The following NTMT2 variants were observed in gnomAD, a reference collection of about 807,000 sequenced individuals.
NTMT2 encodes the protein N-terminal Xaa-Pro-Lys N-methyltransferase 2, also known as X-Pro-Lys N-terminal protein methyltransferase 1B.
A neutral mutation model predicts 23.4 loss-of-function variants in NTMT2; 21 were observed. That is an observed-to-expected ratio of 0.90 (90% CI 0.64 to 1.29). The LOEUF (loss-of-function observed/expected upper bound fraction) is 1.29. Ranked by LOEUF, NTMT2 falls within the 50% of genes most tolerant of loss-of-function variation. NTMT2 has a pLI of 0.00. For missense variants in NTMT2, 336 were observed against 352.0 expected (o/e 0.95, Z 0.36); for synonymous variants, 131 against 127.7 (o/e 1.03, Z -0.17).
At position 170,167,635 on chromosome 1, in the gene NTMT2, A is replaced by T; in HGVS notation, c.730A>T (p.Ile244Phe). Residue 244 changes from isoleucine to phenylalanine, a missense_variant, in exon 4 of 4, where the codon ATC becomes TTC. Transcript: ENST00000439373. ...CAGCAGTGTGACTCGGGACATGGAC[A>T]TCCTCCGGAGCCTAATAAGGAAGAG... The part of the protein sequence containing the change: ...SDSSVTRDMD[I>F]LRSLIRKSGL... 6.4e-7 allele frequency: 1 copy of T among 1,551,692 alleles called. No individual in the cohort carries two copies. The highest frequency in any genetic ancestry group is 2.0e-5 in the Admixed American group (1 of 50,998).
intron 1 of NTMT2, among the ~76,000 whole-genome samples, chr1:170,158,901 T>C (rs927287590): frequency 1.3e-5 from 2 of 152,080 alleles, no homozygotes; most frequent in African/African-American, 2.4e-5. Flanking sequence ...TGTTCTCATA[T>C]CTCTTCAAAG....
intron 2 of NTMT2, among the ~76,000 whole-genome samples, chr1:170,162,970 G>A (rs528865668): frequency 3.3e-5 from 5 of 152,080 alleles, no homozygotes; most frequent in Admixed American, 2.6e-4. Flanking sequence ...TCGTGGTGAG[G>A]CCGACTTTGA....
Position 170,160,517 on chromosome 1 carries a change from G to A in NTMT2, c.155-1G>A, listed in dbSNP as rs1210095153. On this transcript the variant is annotated splice_acceptor_variant, in intron 1 of 3. Coordinates refer to ENST00000439373, the MANE Select transcript of NTMT2 (RefSeq NM_001136107.2). LOFTEE classifies it high-confidence loss of function. The stretch of plus-strand genomic sequence containing the variant: ...ACCTATTAATAATGTTTCATTTGCA[G>A]TGAAATTGTACGCTTTAACAAGCCA... 4 of 1,522,794 alleles carry A rather than the reference G, an allele frequency of 2.6e-6. No individual in the cohort carries two copies. Among genetic ancestry groups the A allele is most frequent in the African/African-American group, 1.4e-5 (1 of 71,382 alleles). The allele number at this position is 1,522,794 out of a possible 1,614,324, so 94.3% of individuals were successfully genotyped here.
Position 170,166,558 on chromosome 1 carries a change from G to C in NTMT2, c.387G>C (p.Arg129Ser). 1.9e-6 allele frequency: 3 copies of C among 1,552,278 alleles called. No homozygotes were observed. The East Asian group carries it at 7.3e-5, about 38-fold the overall frequency. The change falls in exon 3 of 4, where the codon AGG becomes AGC. Residue 129 changes from arginine (R) to serine (S), a missense_variant. Arg to Ser is a moderately radical substitution (Grantham distance 110, BLOSUM62 -1). Coordinates refer to ENST00000439373, the MANE Select transcript of NTMT2 (RefSeq NM_001136107.2). ...TGGACTGCGGCTCCGGGATAGGAAG[G>C]GTCAGCAAACACGTCTTATTGCCTG... ...CALDCGSGIG[R>S]VSKHVLLPVF... is the part of the protein sequence containing the mutation.
chr1:170,152,640 T>G (rs145897937), intron 1 of NTMT2, among the ~76,000 whole-genome samples: 2 of 152,272 alleles, frequency 1.3e-5, no homozygotes, highest in East Asian at 3.9e-4. Context: ...ATCCAGAGAC[T>G]TGGTAATGAC....
intron 3 of NTMT2, 75 bp downstream of exon 3, chr1:170,166,826 G>A: frequency 6.7e-7 from 1 of 1,482,170 alleles, no homozygotes; most frequent in Non-Finnish European, 9.1e-7. Flanking sequence ...GGCTAATGAG[G>A]GCACCAGGGA....
intron 2 of NTMT2, 66 bp downstream of exon 2, chr1:170,160,759 C>T: frequency 8.1e-6 from 11 of 1,355,598 alleles, no homozygotes; most frequent in Non-Finnish European, 1.1e-5. Context: ...TCGCATGCCT[C>T]TGTGTTGTTA....
At chr1:170,160,419 GCA>G in intron 1 of NTMT2, 97 bp from the exon 2 acceptor site, 1 of 1,135,312 alleles carries the variant, frequency 8.8e-7, no homozygotes. Flanking sequence ...TTTTGCCACA[GCA>G]CAGATTCACA....
intron 1 of NTMT2, among the ~76,000 whole-genome samples, chr1:170,159,232 G>T (rs1330655286): frequency 6.6e-6 from 1 of 152,070 alleles, no homozygotes; most frequent in Non-Finnish European, 1.5e-5. Context: ...GTGAAAATGA[G>T]TAGTGTTCTA....
At position 170,163,031 on chromosome 1, in the gene NTMT2, C is replaced by T. The variant is rs1020406770; in HGVS notation, c.330+2338C>T. Among the ~76,000 whole-genome samples, 4 of 152,134 alleles carry T rather than the reference C, an allele frequency of 2.6e-5. No homozygotes were observed. The East Asian group carries it at 5.8e-4, about 22-fold the overall frequency. ...TAGTAATCCAGCTGTCTTGTCACTC[C>T]GTGTGGAATGCCAAGCTGACCACAG... On this transcript the variant is annotated intron_variant, in intron 2 of 3. Transcript: ENST00000439373.
At chr1:170,167,410 C>T in intron 3 of NTMT2, 76 bp from the exon 4 acceptor site, 1 of 1,289,118 alleles carries the variant, frequency 7.8e-7, no homozygotes, top group East Asian at 2.5e-5. Context: ...GATTCTTAGC[C>T]ATGTTCTTCC....
intron 1 of NTMT2, 78 bp from the exon 2 acceptor site, chr1:170,160,440 A>G: frequency 8.0e-7 from 1 of 1,244,252 alleles, no homozygotes. Context: ...CAGGCTTTTA[A>G]AAGGAAATGC....
Position 170,160,220 on chromosome 1 carries a change from T to C in NTMT2, c.155-298T>C, listed in dbSNP as rs543764098. On this transcript the variant is annotated intron_variant, in intron 1 of 3. Transcript: ENST00000439373. ...TAGCTAACACTGTTAAAAATTTTAATACAGTGATATAGCTATGGGTTTATT... is the reference window on the plus strand; with the variant it reads ...TAGCTAACACTGTTAAAAATTTTAACACAGTGATATAGCTATGGGTTTATT... 2.0e-5 allele frequency among the ~76,000 whole-genome samples: 3 copies of C among 152,348 alleles called. No individual in the cohort carries two copies. The East Asian group carries it at 5.8e-4, about 29-fold the overall frequency.
At chr1:170,163,892 C>A (rs953011643) in intron 2 of NTMT2, among the ~76,000 whole-genome samples, 1 of 152,088 alleles carries the variant, frequency 6.6e-6, no homozygotes, top group Non-Finnish European at 1.5e-5. Flanking sequence ...GACGCTGAGG[C>A]GGGTGGCTCA....
In NTMT2 at chr1:170,146,019, C is replaced by T. The variant is rs889195173; in HGVS notation, c.-89C>T. The T allele has an allele frequency of 1.6e-6, 2 of 1,265,778 alleles. No homozygotes were observed. Among genetic ancestry groups the T allele is most frequent in the African/African-American group, 3.0e-5 (2 of 66,102 alleles). 78.4% of individuals were successfully genotyped at this position (1,265,778 alleles called of 1,614,324 possible). ...GGGGACTGGTTTAAAATGACAGTCTCAAGTTCATTTAGAAAGAGAAGGCTA... is the reference window on the plus strand; with the variant it reads ...GGGGACTGGTTTAAAATGACAGTCTTAAGTTCATTTAGAAAGAGAAGGCTA... On this transcript the variant is annotated 5_prime_UTR_variant, in exon 1 of 4. Coordinates refer to ENST00000439373, the MANE Select transcript of NTMT2 (RefSeq NM_001136107.2).
intron 1 of NTMT2, among the ~76,000 whole-genome samples, chr1:170,150,132 G>A (rs909122245): frequency 6.6e-6 from 1 of 152,142 alleles, no homozygotes; most frequent in Admixed American, 6.5e-5. Context: ...AAAGAACGGT[G>A]GCTAACCAGA....
rs1277535466 is a variant in NTMT2 at position 170,166,607 on chromosome 1, G to A, written c.436G>A (p.Asp146Asn). ...TGTTTTCAACAGTGTGGAGCTGGTG[G>A]ATATGATGGAATCCTTTCTCCTTGA... ...LPVFNSVELV[D>N]MMESFLLEAQ... The change falls in exon 3 of 4, where the codon GAT becomes AAT. Residue 146 changes from aspartate to asparagine, a missense_variant. By Grantham distance (23) the Asp-to-Asn change is conservative. Coordinates refer to ENST00000439373, the MANE Select transcript of NTMT2 (RefSeq NM_001136107.2). 1.3e-6 allele frequency: 2 copies of A among 1,552,084 alleles called. No homozygotes were observed. Among genetic ancestry groups the A allele is most frequent in the African/African-American group, 1.4e-5 (1 of 73,000 alleles).
chr1:170,146,375 A>T (rs1404770180), intron 1 of NTMT2, 114 bp downstream of exon 1: 3 of 982,378 alleles, frequency 3.1e-6, no homozygotes, highest in African/African-American at 1.7e-5. Context: ...GACAAAAAAA[A>T]CTCCACAACC....
At chr1:170,161,094 G>A (rs963121184) in intron 2 of NTMT2, among the ~76,000 whole-genome samples, 1 of 152,082 alleles carries the variant, frequency 6.6e-6, no homozygotes, top group African/African-American at 2.4e-5. Flanking sequence ...TAATAAAAAT[G>A]AGATGTTGGC....
Sources: gnomAD v4.1 joint callset for allele counts (sites outside exome capture counted in the v4.1 genomes callset) on GRCh38, gnomAD v4.1.1 for gene constraint, MANE v1.5 for transcripts, NCBI Gene and HGNC (gene_info 2026-07-23, HGNC 2026-07-21) for gene names.